The following CDC14B variants were observed in gnomAD, a reference collection of about 807,000 sequenced individuals.
CDC14B encodes cell division cycle 14B.
CDC14B carries 22 observed loss-of-function variants against 64.2 expected under a neutral mutation model. The ratio of observed to expected loss-of-function variants is 0.34; its 90% CI spans 0.24 to 0.49. The LOEUF (loss-of-function observed/expected upper bound fraction) is 0.49, where lower values mean the gene tolerates loss of function less well. Among genes scored for constraint, CDC14B ranks in the 20% least tolerant of loss-of-function variants. CDC14B has a pLI of 0.99. For synonymous variants in CDC14B, 191 were observed against 215.8 expected (o/e 0.89, Z 1.01); for missense variants, 498 against 629.9 (o/e 0.79, Z 2.24).
rs1564209503 is a variant in CDC14B, at chr9:96,515,020, C to T, written c.1344-5231G>A. 1.8e-6 allele frequency: 1 copy of T among 562,902 alleles called. No individual in the cohort carries two copies. The highest frequency in any genetic ancestry group is 2.0e-5 in the African/African-American group (1 of 49,076). 34.9% of individuals were successfully genotyped at this position (562,902 alleles called of 1,614,324 possible). On this transcript the variant is annotated intron_variant, in intron 12 of 13. Coordinates refer to ENST00000375241, the MANE Select transcript of CDC14B (RefSeq NM_033331.4). This position sits in a 1 kb window ranked among gnomAD's most constrained non-coding sequence, Gnocchi z 4.3. Reference sequence around the variant, plus strand: ...CACCAATTTAAACAGGCGACCTCAGCTCCGACCTCCTACTTTCATTTAGCA... The same window carrying T: ...CACCAATTTAAACAGGCGACCTCAGTTCCGACCTCCTACTTTCATTTAGCA...
At chr9:96,546,028 A>C (rs1840770465) in intron 5 of CDC14B, among the ~76,000 whole-genome samples, 2 of 152,194 alleles carry the variant, frequency 1.3e-5, no homozygotes, top group African/African-American at 4.8e-5. Context: ...AATTTGGAAA[A>C]CACGTAAGAA....
intron 1 of CDC14B, chr9:96,618,891 A>T: frequency 3.0e-6 from 1 of 332,118 alleles, no homozygotes; most frequent in Non-Finnish European, 5.6e-6. Context: ...ACTCAGAAGC[A>T]GCCCGCGGGG....
intron 5 of CDC14B, among the ~76,000 whole-genome samples, chr9:96,543,328 G>A (rs1261792675): frequency 1.3e-5 from 2 of 150,204 alleles, no homozygotes; most frequent in Non-Finnish European, 1.5e-5. Flanking sequence ...AGCGAGACTC[G>A]AGACTCGTCT....
chr9:96,608,914 C>T (rs1469641989), intron 1 of CDC14B, among the ~76,000 whole-genome samples: 1 of 151,914 alleles, frequency 6.6e-6, no homozygotes, highest in Admixed American at 6.6e-5. Context: ...CACACACACA[C>T]ACACACACAC....
rs893753515 is a variant in CDC14B at position 96,566,898 on chromosome 9, A to C, written c.161-1415T>G. On this transcript the variant is annotated intron_variant, in intron 1 of 13. Transcript: ENST00000375241. ...GGAGGCGCCGCGACCACACCCCCGAAGTTTAAAAAACAAAGTTTAAAGGGC... is the reference window on the plus strand; with the variant it reads ...GGAGGCGCCGCGACCACACCCCCGACGTTTAAAAAACAAAGTTTAAAGGGC... The C allele has an allele frequency of 5.8e-6, 9 of 1,549,206 alleles. No individual in the cohort carries two copies. In the African/African-American group the frequency reaches 1.2e-4, roughly 21 times the overall value.
intron 1 of CDC14B, among the ~76,000 whole-genome samples, chr9:96,585,402 T>TC (rs1845402742): frequency 6.6e-6 from 1 of 150,970 alleles, no homozygotes; most frequent in African/African-American, 2.4e-5. Flanking sequence ...GATGTTTCCC[T>TC]CCCTGTGTCC....
At chr9:96,578,040 C>A (rs1379934564) in intron 1 of CDC14B, among the ~76,000 whole-genome samples, 1 of 152,056 alleles carries the variant, frequency 6.6e-6, no homozygotes, top group Admixed American at 6.5e-5. Context: ...GATTTGAAAA[C>A]CAAATTTACA....
At position 96,551,834 on chromosome 9, in the gene CDC14B, T is replaced by C; in HGVS notation, c.459A>G (p.Arg153=). The change falls in exon 5 of 14, where the codon AGA becomes AGG. Residue 153 remains arginine, a synonymous_variant. Coordinates refer to ENST00000375241, the MANE Select transcript of CDC14B (RefSeq NM_033331.4). ...YLGRTPEEAY[R]ILIFGETSYI... is the part of the protein sequence containing the mutation. Reference sequence around the variant, plus strand: ...AGGATGTCTCTCCAAAGATTAATATTCTATATGCTTCTTCTGGGGTTCTCC... The same window carrying C: ...AGGATGTCTCTCCAAAGATTAATATCCTATATGCTTCTTCTGGGGTTCTCC... The C allele has an allele frequency of 6.2e-7, 1 of 1,609,944 alleles. No individual in the cohort carries two copies. Among genetic ancestry groups the C allele is most frequent in the Non-Finnish European group, 8.5e-7 (1 of 1,177,942 alleles).
At chr9:96,530,492 C>T (rs1296250065) in intron 9 of CDC14B, among the ~76,000 whole-genome samples, 1 of 147,696 alleles carries the variant, frequency 6.8e-6, no homozygotes, top group African/African-American at 2.5e-5. Context: ...GTTGCCCAGG[C>T]TGGTCTCAAA....
intron 5 of CDC14B, among the ~76,000 whole-genome samples, chr9:96,544,034 T>A (rs1346833086): frequency 6.6e-6 from 1 of 151,876 alleles, no homozygotes; most frequent in Non-Finnish European, 1.5e-5. Flanking sequence ...CTGGCCAACA[T>A]GGTGAAACCC....
At chr9:96,596,143 C>A (rs984833849) in intron 1 of CDC14B, among the ~76,000 whole-genome samples, 1 of 151,958 alleles carries the variant, frequency 6.6e-6, no homozygotes, top group Non-Finnish European at 1.5e-5. Context: ...GGGGGCAGAT[C>A]ATGAGGTCAG....
chr9:96,562,730 T>A lies in CDC14B; in HGVS notation c.383A>T (p.Lys128Ile). 1 of 1,612,708 alleles carries A rather than the reference T, an allele frequency of 6.2e-7. No individual in the cohort carries two copies. Among genetic ancestry groups the A allele is most frequent in the South Asian group, 1.1e-5 (1 of 91,044 alleles). The part of the protein sequence containing the change: ...IVHFTGSDQR[K>I]QANAAFLVGC... ...AACAAGGAAGGCAGCATTTGCTTGT[T>A]TTCTCTGATCAGAGCCAGTAAAATG... The change falls in exon 4 of 14, where the codon AAA (lysine) becomes ATA (isoleucine). Residue 128 changes from lysine (K) to isoleucine (I), a missense_variant. Physicochemically the swap from Lys to Ile is moderately radical, Grantham distance 102. Transcript: ENST00000375241.
At chr9:96,584,989 A>G (rs778507483) in intron 1 of CDC14B, among the ~76,000 whole-genome samples, 1 of 152,156 alleles carries the variant, frequency 6.6e-6, no homozygotes, top group Non-Finnish European at 1.5e-5. Context: ...TGAATACATA[A>G]TTGCCTTATC....
intron 1 of CDC14B, among the ~76,000 whole-genome samples, chr9:96,572,940 C>T (rs1844559819): frequency 6.6e-6 from 1 of 152,084 alleles, no homozygotes; most frequent in Admixed American, 6.6e-5. Context: ...TATCAAGATA[C>T]AGAAAGGAAA....
At chr9:96,597,106 G>GA (rs1339368394) in intron 1 of CDC14B, among the ~76,000 whole-genome samples, 3 of 152,052 alleles carry the variant, frequency 2.0e-5, no homozygotes, top group Non-Finnish European at 4.4e-5. Flanking sequence ...GCCAACAAGA[G>GA]AAAATCTTAA....
In CDC14B at chr9:96,554,814, A is replaced by C. The variant is rs1842289135; in HGVS notation, c.421-2942T>G. Among the ~76,000 whole-genome samples the C allele has an allele frequency of 1.3e-5, 2 of 152,132 alleles. 1 individual carries two copies. The highest frequency in any genetic ancestry group is 4.8e-5 in the African/African-American group (2 of 41,420). ...TTACACCTACTCATCTTGCTGATTC[A>C]AAAGGCCTTCCCAAATGAAATCATT... On this transcript the variant is annotated intron_variant, in intron 4 of 13. Transcript: ENST00000375241.
At chr9:96,495,098 T>G (rs763450301) in intron 13 of CDC14B, among the ~76,000 whole-genome samples, 8 of 151,958 alleles carry the variant, frequency 5.3e-5, no homozygotes, top group Non-Finnish European at 1.0e-4. Flanking sequence ...CCTCCCAAAG[T>G]GCTGGGATTA....
chr9:96,562,479 A>C, intron 4 of CDC14B: 1 of 496,796 alleles, frequency 2.0e-6, no homozygotes. Flanking sequence ...TTAGGTTCAC[A>C]GCAAAATTAA....
chr9:96,512,326 CTTTTTTT>C (rs776677638), intron 12 of CDC14B, among the ~76,000 whole-genome samples: 1 of 132,092 alleles, frequency 7.6e-6, no homozygotes, highest in African/African-American at 2.7e-5. Context: ...AATTTTTTTT[CTTTTTTT>C]TTTTTTTTTT....
Sources: allele counts gnomAD v4.1 joint callset (sites outside exome capture counted in the v4.1 genomes callset), GRCh38; gene constraint gnomAD v4.1.1; non-coding constraint Gnocchi (gnomAD v3.1); transcripts MANE v1.5; gene names NCBI Gene and HGNC (gene_info 2026-07-23, HGNC 2026-07-21).